DGKE: variants seen among roughly 807,000 people sequenced by gnomAD.
DGKE encodes DAG kinase epsilon.
A neutral mutation model predicts 70.0 loss-of-function variants in DGKE; 53 were observed. The observed-to-expected ratio is 0.76, with a 90% CI of 0.61 to 0.95. The LOEUF is 0.95. DGKE is among the 40% of genes least tolerant of loss of function. DGKE has a pLI of 0.00. For synonymous variants in DGKE, 291 were observed against 257.0 expected, an observed-to-expected ratio of 1.13 and a Z score of -1.27; for missense variants, 655 against 706.9, an observed-to-expected ratio of 0.93 and a Z score of 0.83.
At chr17:56,849,056 C>T (rs918660225) in intron 6 of DGKE, 125 bp from the exon 7 acceptor site, 33 of 1,190,364 alleles carry the variant, frequency 2.8e-5, no homozygotes, top group Middle Eastern at 2.8e-4. Flanking sequence ...CCTAAATTTG[C>T]ATGCTCATAT....
intron 2 of DGKE, among the ~76,000 whole-genome samples, chr17:56,843,369 G>A (rs1338686658): frequency 6.6e-6 from 1 of 152,054 alleles, no homozygotes; most frequent in Non-Finnish European, 1.5e-5. Context: ...TATTGTCATA[G>A]CACATGTCAT....
rs1173182010 is a variant in DGKE, at chr17:56,834,663, C to T, written c.-18-115C>T. 5.1e-6 allele frequency: 5 copies of T among 982,108 alleles called. No homozygotes were observed. In the Admixed American group the frequency reaches 6.9e-5, roughly 14 times the overall value. 60.8% of individuals were successfully genotyped at this position (982,108 alleles called of 1,614,324 possible). On this transcript the variant is annotated intron_variant, in intron 1 of 11. Coordinates refer to ENST00000284061, the MANE Select transcript of DGKE (RefSeq NM_003647.3). ...GGGGGACGAGGCGCAGTCCCGCCCT[C>T]GGGAGAGCGGAGCCACCTTCACTGA...
In DGKE at chr17:56,867,927, GAA is replaced by G. The variant is rs1316291538; in HGVS notation, c.*5138_*5139del. On this transcript the variant is annotated 3_prime_UTR_variant, in exon 12 of 12. Transcript: ENST00000284061. ...ACTCCATCTCAAAAAAAAAAAAAAA[GAA>G]AGAAATGTGTTGCTGGTATCAGATA... 1 of 147,348 alleles carries G rather than the reference GAA, an allele frequency of 6.8e-6. No homozygotes were observed. Among genetic ancestry groups the G allele is most frequent in the African/African-American group, 2.5e-5 (1 of 40,524 alleles). The allele number at this position is 147,348 out of a possible 1,614,324, so 9.1% of individuals were successfully genotyped here. A position where few individuals can be genotyped will look rare whatever the true frequency, so the allele number is the denominator to read the frequency against.
intron 7 of DGKE, among the ~76,000 whole-genome samples, chr17:56,855,862 C>G (rs944182848): frequency 2.6e-5 from 4 of 151,746 alleles, no homozygotes; most frequent in African/African-American, 7.3e-5. Flanking sequence ...AAATATTAGC[C>G]GAGCATGGTG....
intron 2 of DGKE, chr17:56,838,425 C>T (rs1459254776): frequency 6.6e-6 from 1 of 152,230 alleles, no homozygotes; most frequent in African/African-American, 2.4e-5. Flanking sequence ...GTCATAATTA[C>T]TTAACTCTGC....
At chr17:56,855,875 G>A (rs900078433) in intron 7 of DGKE, among the ~76,000 whole-genome samples, 4 of 151,766 alleles carry the variant, frequency 2.6e-5, no homozygotes, top group African/African-American at 7.3e-5. Flanking sequence ...GCATGGTGGC[G>A]GGCGCCTGTA....
At chr17:56,858,972 T>C (rs2144285575) in intron 9 of DGKE, among the ~76,000 whole-genome samples, 1 of 152,288 alleles carries the variant, frequency 6.6e-6, no homozygotes, top group South Asian at 2.1e-4. Flanking sequence ...TGAACCCAGA[T>C]TTATGTAAAT....
At chr17:56,855,187 T>G (rs1907871728) in intron 7 of DGKE, among the ~76,000 whole-genome samples, 1 of 82,630 alleles carries the variant, frequency 1.2e-5, no homozygotes, top group Non-Finnish European at 2.7e-5. Context: ...ATAAGGTGTT[T>G]ATGGGTTTTT....
intron 5 of DGKE, 24 bp downstream of exon 5, chr17:56,848,089 C>T (rs1907412260): frequency 2.8e-6 from 4 of 1,447,140 alleles, no homozygotes; most frequent in African/African-American, 1.5e-5. Context: ...AGAACTACTA[C>T]AGAAGGACTT....
chr17:56,844,175 AGTG>A lies in DGKE; in HGVS notation c.624_624+2del. ...GTAAAGACAAAAAAACAGATTATGA[AGTG>A]GTAATTAGAGTTTATTTCTCTAATA... On this transcript the variant is annotated inframe_deletion and splice_region_variant, in exon 3 of 12. Coordinates refer to ENST00000284061, the MANE Select transcript of DGKE (RefSeq NM_003647.3). 6.7e-7 allele frequency: 1 copy of A among 1,503,256 alleles called. No individual in the cohort carries two copies. Among genetic ancestry groups the A allele is most frequent in the Non-Finnish European group, 8.9e-7 (1 of 1,123,238 alleles). The allele number at this position is 1,503,256 out of a possible 1,614,324, so 93.1% of individuals were successfully genotyped here. A position where few individuals can be genotyped will look rare whatever the true frequency, so the allele number is the denominator to read the frequency against.
intron 5 of DGKE, 127 bp downstream of exon 5, chr17:56,848,192 C>T (rs1354102227): frequency 7.0e-6 from 4 of 570,770 alleles, no homozygotes; most frequent in South Asian, 7.9e-5. Flanking sequence ...CAGTCTCGCA[C>T]TGTCACCCAG....
At chr17:56,843,763 A>G (rs778030476) in intron 2 of DGKE, among the ~76,000 whole-genome samples, 10 of 148,088 alleles carry the variant, frequency 6.8e-5, no homozygotes, top group Non-Finnish European at 1.0e-4. Flanking sequence ...ATGCCACTGC[A>G]CTCCAGTCTG....
chr17:56,853,418 A>G (rs1915306303), intron 7 of DGKE, among the ~76,000 whole-genome samples: 1 of 152,144 alleles, frequency 6.6e-6, no homozygotes, highest in Non-Finnish European at 1.5e-5. Context: ...TTCCTTTAGT[A>G]CTTTTATAGT....
rs186757141 is a variant in DGKE, at chr17:56,861,400, G to A, written c.1285-391G>A. On this transcript the variant is annotated intron_variant, in intron 9 of 11. Coordinates refer to ENST00000284061, the MANE Select transcript of DGKE (RefSeq NM_003647.3). ...CCATGGACATGTTTTATGGGCAGTG[G>A]ATAGATGGATCTGGCCCAGTTTACT... 5.9e-5 allele frequency among the ~76,000 whole-genome samples: 9 copies of A among 152,328 alleles called. No homozygotes were observed. The East Asian group carries it at 1.7e-3, about 29-fold the overall frequency.
intron 3 of DGKE, 30 bp from the exon 4 acceptor site, chr17:56,845,660 A>T (rs1391114196): frequency 6.3e-7 from 1 of 1,593,038 alleles, no homozygotes; most frequent in Admixed American, 1.8e-5. Context: ...TAAGATACTA[A>T]ACCTTTTCAC....
At chr17:56,840,445 G>C (rs117635055) in intron 2 of DGKE, among the ~76,000 whole-genome samples, 3 of 151,968 alleles carry the variant, frequency 2.0e-5, no homozygotes, top group African/African-American at 2.4e-5. Flanking sequence ...ACATGATCTC[G>C]GCTCACTGCT....
intron 1 of DGKE, 57 bp downstream of exon 1, chr17:56,834,317 A>G (rs991421106): frequency 2.5e-5 from 4 of 158,914 alleles, no homozygotes; most frequent in Non-Finnish European, 4.1e-5. Context: ...GAGAGGGGCT[A>G]GGGTCGCCGG....
intron 7 of DGKE, among the ~76,000 whole-genome samples, chr17:56,855,262 A>T (rs1393528635): frequency 6.6e-6 from 1 of 152,160 alleles, no homozygotes; most frequent in Admixed American, 6.5e-5. Context: ...ATTTAGTTCC[A>T]TAAGAGATGA....
intron 3 of DGKE, 66 bp downstream of exon 3, chr17:56,844,244 T>G: frequency 1.8e-6 from 2 of 1,088,874 alleles, no homozygotes; most frequent in Non-Finnish European, 2.5e-6. Context: ...TTGTTTGAGA[T>G]AGTTAAGACA....
Sources: allele counts gnomAD v4.1 joint callset (sites outside exome capture counted in the v4.1 genomes callset), GRCh38; gene constraint gnomAD v4.1.1; transcripts MANE v1.5; gene names NCBI Gene and HGNC (gene_info 2026-07-23, HGNC 2026-07-21).